PAM: variants seen among roughly 807,000 people sequenced by gnomAD.
PAM encodes the protein peptidyl-glycine alpha-amidating monooxygenase.
Under a neutral mutation model 122.1 loss-of-function variants are expected in PAM, and 72 were observed. The ratio of observed to expected loss-of-function variants is 0.59; its 90% CI spans 0.49 to 0.72. The LOEUF is 0.72. Among genes scored for constraint, PAM ranks in the 30% least tolerant of loss-of-function variants. The pLI, the probability that PAM is intolerant of heterozygous loss-of-function variation, is 0.00. For synonymous variants in PAM, 389 were observed against 404.4 expected, an observed-to-expected ratio of 0.96 and a Z score of 0.46; for missense variants, 1,106 against 1,183.7, an observed-to-expected ratio of 0.93 and a Z score of 0.96.
At chr5:102,990,506 GA>G in intron 16 of PAM, 105 bp downstream of exon 16, 1 of 825,910 alleles carries the variant, frequency 1.2e-6, no homozygotes, top group Non-Finnish European at 1.7e-6. Flanking sequence ...AGGTTTTTTA[GA>G]ATTTGACTTT....
intron 4 of PAM, among the ~76,000 whole-genome samples, chr5:102,905,104 T>TG (rs1380711455): frequency 6.6e-5 from 10 of 151,804 alleles, no homozygotes; most frequent in Non-Finnish European, 1.2e-4. Flanking sequence ...GTGTTTTTTT[T>TG]GTTGTTTTAA....
intron 4 of PAM, among the ~76,000 whole-genome samples, chr5:102,911,847 GT>G (rs1218071879): frequency 9.9e-5 from 15 of 151,932 alleles, no homozygotes; most frequent in Admixed American, 9.2e-4. Flanking sequence ...TACTGTTGGT[GT>G]CTCCTAAACA....
At chr5:102,772,314 A>G (rs917378762) in intron 1 of PAM, among the ~76,000 whole-genome samples, 3 of 152,200 alleles carry the variant, frequency 2.0e-5, no homozygotes, top group East Asian at 1.9e-4. Flanking sequence ...CTTCATCCCT[A>G]TTTTACAGAG....
chr5:102,975,915 G>A (rs1767486841), intron 15 of PAM, among the ~76,000 whole-genome samples: 1 of 152,150 alleles, frequency 6.6e-6, no homozygotes, highest in Non-Finnish European at 1.5e-5. Flanking sequence ...GAGTGTCAGT[G>A]TCCCAGTCAG....
chr5:102,987,880 A>G (rs1053750089), intron 15 of PAM, among the ~76,000 whole-genome samples: 3 of 152,174 alleles, frequency 2.0e-5, no homozygotes, highest in African/African-American at 7.2e-5. Flanking sequence ...CACAATACAC[A>G]TGAGTGACAA....
intron 21 of PAM, among the ~76,000 whole-genome samples, chr5:103,015,120 T>C (rs1479674278): frequency 6.6e-6 from 1 of 152,200 alleles, no homozygotes; most frequent in Admixed American, 6.5e-5. Flanking sequence ...GAGTAGCATA[T>C]GTGGATCTCA....
intron 3 of PAM, among the ~76,000 whole-genome samples, chr5:102,875,216 T>G (rs1788766328): frequency 6.6e-6 from 1 of 151,702 alleles, no homozygotes; most frequent in African/African-American, 2.4e-5. Flanking sequence ...TTATTTGAGG[T>G]AGGATCTCAC....
intron 3 of PAM, among the ~76,000 whole-genome samples, chr5:102,875,202 AT>A (rs1030033269): frequency 5.9e-5 from 9 of 151,324 alleles, no homozygotes; most frequent in Middle Eastern, 3.5e-3. Flanking sequence ...TATTATTATT[AT>A]TATTATTTGA....
intron 1 of PAM, among the ~76,000 whole-genome samples, chr5:102,858,534 A>G (rs1396821135): frequency 1.3e-5 from 2 of 152,186 alleles, no homozygotes; most frequent in Non-Finnish European, 2.9e-5. Flanking sequence ...AGCCACCATA[A>G]CATTTAGTTT....
chr5:102,780,741 TTTTCTTTCTTTCTC>T (rs1758524271), intron 1 of PAM, among the ~76,000 whole-genome samples: 5 of 146,124 alleles, frequency 3.4e-5, no homozygotes, highest in East Asian at 4.4e-4. Context: ...CTCAGCACCT[TTTTCTTTCTTTCTC>T]TTTCTTTCTT....
Position 102,974,262 on chromosome 5 carries a change from C to A in PAM, c.1309C>A (p.Arg437=). Residue 437 remains arginine (R), a synonymous_variant, in exon 15 of 26, where the codon CGA becomes AGA. Transcript: ENST00000438793. ...TGTAGTCCAAAAAAAGGATCTTGGT[C>A]GATCTGATGCCAGAGAGGGTGCAGA... ...ANVVQKKDLG[R]SDAREGAEHE... 8 of 1,613,908 alleles carry A rather than the reference C, an allele frequency of 5.0e-6. No individual in the cohort carries two copies. The highest frequency in any genetic ancestry group is 6.8e-6 in the Non-Finnish European group (8 of 1,179,906).
At chr5:103,012,880 A>G (rs1264266079) in intron 21 of PAM, among the ~76,000 whole-genome samples, 1 of 142,186 alleles carries the variant, frequency 7.0e-6, no homozygotes, top group Non-Finnish European at 1.6e-5. Flanking sequence ...AAATGAGTTC[A>G]CTGTAGGTGT....
chr5:102,852,163 A>G (rs1195322076), intron 1 of PAM, among the ~76,000 whole-genome samples: 1 of 152,178 alleles, frequency 6.6e-6, no homozygotes, highest in African/African-American at 2.4e-5. Context: ...ATTGGCCATT[A>G]ATTTTGAATA....
chr5:103,018,132 CA>C (rs1782552811), intron 22 of PAM, among the ~76,000 whole-genome samples: 1 of 152,084 alleles, frequency 6.6e-6, no homozygotes, highest in Non-Finnish European at 1.5e-5. Context: ...CAAACAACTT[CA>C]ATGTCCAGAA....
chr5:102,776,168 C>G (rs1580912792), intron 1 of PAM, among the ~76,000 whole-genome samples: 1 of 152,046 alleles, frequency 6.6e-6, no homozygotes, highest in East Asian at 1.9e-4. Context: ...AGTCTTGTGC[C>G]CACTTTTTGA....
chr5:102,913,927 G>T lies in PAM; in HGVS notation c.269-7G>T, dbSNP rs372247056. 4.3e-5 allele frequency: 67 copies of T among 1,560,696 alleles called. No homozygotes were observed. Among genetic ancestry groups the T allele is most frequent in the Non-Finnish European group, 5.5e-5 (62 of 1,132,074 alleles). ...ATTCACATACATGTATTATTTTCTC[G>T]TAACAGTTGACTTCAAGCCTCGAGC... On this transcript the variant is annotated splice_region_variant and splice_polypyrimidine_tract_variant and intron_variant, in intron 4 of 25. Transcript: ENST00000438793.
chr5:102,906,066 C>A (rs1799442144), intron 4 of PAM, among the ~76,000 whole-genome samples: 1 of 151,614 alleles, frequency 6.6e-6, no homozygotes, highest in Non-Finnish European at 1.5e-5. Context: ...TCTTAAACGT[C>A]TTCTATCCTT....
At chr5:102,951,373 A>G (rs1233180788) in intron 12 of PAM, among the ~76,000 whole-genome samples, 1 of 152,104 alleles carries the variant, frequency 6.6e-6, no homozygotes, top group Admixed American at 6.6e-5. Context: ...AACACTACAT[A>G]AAATTTTCAA....
At chr5:102,801,770 G>GTTTTTTTTTTT (rs1378058562) in intron 1 of PAM, among the ~76,000 whole-genome samples, 9 of 140,392 alleles carry the variant, frequency 6.4e-5, no homozygotes, top group African/African-American at 2.5e-4. Context: ...TAGGGAAAAG[G>GTTTTTTTTTTT]TATTTTTTTT....
Sources: gnomAD v4.1 joint callset for allele counts (sites outside exome capture counted in the v4.1 genomes callset) on GRCh38, gnomAD v4.1.1 for gene constraint, MANE v1.5 for transcripts, NCBI Gene and HGNC (gene_info 2026-07-23, HGNC 2026-07-21) for gene names.